IQCH: variants seen among roughly 807,000 people sequenced by gnomAD.
The protein encoded by IQCH is IQ motif containing H, also known as IQ domain-containing protein H.
A neutral mutation model predicts 117.0 loss-of-function variants in IQCH; 98 were observed. The ratio of observed to expected loss-of-function variants is 0.84; its 90% confidence interval spans 0.71 to 0.99. The LOEUF (loss-of-function observed/expected upper bound fraction) is 0.99, where lower values mean the gene tolerates loss of function less well. IQCH is among the 50% of genes least tolerant of loss of function. The pLI is 0.00. For synonymous variants in IQCH, 412 were observed against 448.2 expected (o/e 0.92, Z 1.02); for missense variants, 1,102 against 1,243.8 (o/e 0.89, Z 1.72).
Position 67,424,355 on chromosome 15 carries a change from A to G in IQCH, c.2505+2778A>G, listed in dbSNP as rs1016659180. Reference sequence around the variant, plus strand: ...CTTCCTGACCTTCCTGACAAAGTCAAATTCTCCTTTTTTAGGTTTTCATAT... The same window carrying G: ...CTTCCTGACCTTCCTGACAAAGTCAGATTCTCCTTTTTTAGGTTTTCATAT... On this transcript the variant is annotated intron_variant, in intron 16 of 20. Coordinates refer to ENST00000335894, the MANE Select transcript of IQCH (RefSeq NM_001031715.3). This position sits in a 1 kb window ranked among gnomAD's most constrained non-coding sequence, Gnocchi z 4.9. 6.6e-6 allele frequency among the ~76,000 whole-genome samples: 1 copy of G among 152,174 alleles called. No homozygotes were observed. Among genetic ancestry groups the G allele is most frequent in the Non-Finnish European group, 1.5e-5 (1 of 68,028 alleles).
intron 4 of IQCH, among the ~76,000 whole-genome samples, chr15:67,298,606 C>CCAA (rs1247456864): frequency 5.3e-5 from 8 of 152,112 alleles, no homozygotes; most frequent in Admixed American, 1.3e-4. Context: ...TGTCTTACTC[C>CCAA]TGTAATTCCA....
intron 16 of IQCH, among the ~76,000 whole-genome samples, chr15:67,435,876 A>G (rs1172663790): frequency 2.0e-5 from 3 of 152,140 alleles, no homozygotes; most frequent in Admixed American, 2.0e-4. Flanking sequence ...GTCTAAAAAA[A>G]AAAAAAAGTC....
chr15:67,441,833 A>G (rs1475881411), intron 16 of IQCH, among the ~76,000 whole-genome samples: 2 of 152,220 alleles, frequency 1.3e-5, no homozygotes, highest in Non-Finnish European at 2.9e-5. Flanking sequence ...TTAGGCAAGG[A>G]GTTCATGATC....
chr15:67,258,256 G>A (rs1163832094), intron 1 of IQCH, among the ~76,000 whole-genome samples: 5 of 150,754 alleles, frequency 3.3e-5, no homozygotes, highest in Non-Finnish European at 7.4e-5. Flanking sequence ...AAGGCCAAGC[G>A]CGGTGGCTCA....
intron 16 of IQCH, among the ~76,000 whole-genome samples, chr15:67,423,059 A>G (rs1481524424): frequency 6.6e-6 from 1 of 152,224 alleles, no homozygotes; most frequent in Non-Finnish European, 1.5e-5. Context: ...CTTGTTCAAT[A>G]ATCATTTTCC....
chr15:67,340,530 G>A (rs1969123486), intron 5 of IQCH, among the ~76,000 whole-genome samples: 1 of 148,286 alleles, frequency 6.7e-6, no homozygotes, highest in Admixed American at 6.9e-5. Context: ...GCAAGGCCTT[G>A]GTTGAATAGT....
Position 67,279,458 on chromosome 15 carries a change from T to C in IQCH, c.333T>C (p.Phe111=), listed in dbSNP as rs759550451. 13 of 1,611,944 alleles carry C rather than the reference T, an allele frequency of 8.1e-6. No individual in the cohort carries two copies. The highest frequency in any genetic ancestry group is 3.3e-5 in the Admixed American group (2 of 59,748). ...TCCCTCAGGAATCTGAGGGTACATTTTGGCAACCCCAAAGACAGCACAGTT... is the reference window on the plus strand; with the variant it reads ...TCCCTCAGGAATCTGAGGGTACATTCTGGCAACCCCAAAGACAGCACAGTT... The part of the protein sequence containing the change: ...FIFPQESEGT[F]WQPQRQHSSS... The change falls in exon 4 of 21, where the codon TTT becomes TTC. Residue 111 remains phenylalanine, a synonymous_variant. Transcript: ENST00000335894.
Position 67,475,813 on chromosome 15 carries a change from G to C in IQCH, c.2794G>C (p.Val932Leu), listed in dbSNP as rs3985641. The C allele has an allele frequency of 1, 1,613,394 of 1,614,050 alleles. 806,371 individuals are homozygous for C. Among genetic ancestry groups the C allele is most frequent in the Middle Eastern group, 1 (6,062 of 6,062 alleles). Residue 932 changes from valine to leucine, a missense_variant, in exon 18 of 21, where the codon GTT becomes CTT. By Grantham distance (32) the Val-to-Leu change is conservative. Around this residue, in one of 2 missense-constraint regions of IQCH, gnomAD observed 650 missense variants for 794.3 expected, o/e 0.82. Coordinates refer to ENST00000335894, the MANE Select transcript of IQCH (RefSeq NM_001031715.3). This position sits in a 1 kb window ranked among gnomAD's most constrained non-coding sequence, Gnocchi z 5.7. ...ICRAHGIGYD[V>L]EERQGTVFIL... is the part of the protein sequence containing the mutation. ...TAGGGCCCATGGCATTGGCTATGAT[G>C]TTGAGGTATGAAGGGTTACAGTTGG...
At position 67,418,831 on chromosome 15, in the gene IQCH, G is replaced by A. The variant is rs191267411; in HGVS notation, c.2218+1780G>A. 7.8e-3 allele frequency among the ~76,000 whole-genome samples: 1,183 copies of A among 151,686 alleles called. 6 individuals carry two copies. Among genetic ancestry groups the A allele is most frequent in the Non-Finnish European group, 0.01 (691 of 67,950 alleles). On this transcript the variant is annotated intron_variant, in intron 15 of 20. Transcript: ENST00000335894. Reference sequence around the variant, plus strand: ...GACCTAAGGTGATCCGCCCGCCTCGGCCTCCCGAAGTGCTGGGATTACAGG... The same window carrying A: ...GACCTAAGGTGATCCGCCCGCCTCGACCTCCCGAAGTGCTGGGATTACAGG...
intron 4 of IQCH, among the ~76,000 whole-genome samples, chr15:67,290,610 CA>C (rs1567069193): frequency 1.3e-5 from 2 of 152,092 alleles, no homozygotes; most frequent in African/African-American, 2.4e-5. Context: ...AACTTGAAAA[CA>C]TTTTTTTGAA....
chr15:67,409,778 C>T (rs928754261), intron 14 of IQCH, among the ~76,000 whole-genome samples: 1 of 152,132 alleles, frequency 6.6e-6, no homozygotes, highest in African/African-American at 2.4e-5. Context: ...ATTTTACATA[C>T]CAAAAACATT....
chr15:67,292,320 G>T (rs1207101057), intron 4 of IQCH, among the ~76,000 whole-genome samples: 1 of 152,096 alleles, frequency 6.6e-6, no homozygotes, highest in Admixed American at 6.6e-5. Context: ...TACAATCATG[G>T]CTCATCATGC....
chr15:67,457,915 C>T lies in IQCH; in HGVS notation c.2506-7212C>T, dbSNP rs1050362131. ...CTTCTCCACCTTACTGCATCTTAGC[C>T]TAAACGTGATGAGAAGTGGACTGAG... On this transcript the variant is annotated intron_variant, in intron 16 of 20. Coordinates refer to ENST00000335894, the MANE Select transcript of IQCH (RefSeq NM_001031715.3). This position sits in a 1 kb window ranked among gnomAD's most constrained non-coding sequence, Gnocchi z 5.7. Among the ~76,000 whole-genome samples, 2 of 152,156 alleles carry T rather than the reference C, an allele frequency of 1.3e-5. No individual in the cohort carries two copies. The highest frequency in any genetic ancestry group is 2.9e-5 in the Non-Finnish European group (2 of 68,034).
intron 4 of IQCH, chr15:67,281,981 G>C: frequency 2.9e-6 from 1 of 346,020 alleles, no homozygotes; most frequent in Non-Finnish European, 5.7e-6. Flanking sequence ...ACTCTCTGAG[G>C]AGTGCTTACT....
intron 16 of IQCH, among the ~76,000 whole-genome samples, chr15:67,451,112 CTCT>C (rs1596403312): frequency 6.6e-6 from 1 of 152,116 alleles, no homozygotes; most frequent in African/African-American, 2.4e-5. Context: ...ATTCTTCTCT[CTCT>C]TCTTCTTTAT....
At position 67,475,102 on chromosome 15, in the gene IQCH, T is replaced by G. The variant is rs983351579; in HGVS notation, c.2677-594T>G. Among the ~76,000 whole-genome samples, 2 of 152,162 alleles carry G rather than the reference T, an allele frequency of 1.3e-5. No homozygotes were observed. Among genetic ancestry groups the G allele is most frequent in the African/African-American group, 2.4e-5 (1 of 41,436 alleles). On this transcript the variant is annotated intron_variant, in intron 17 of 20. Transcript: ENST00000335894. This position sits in a 1 kb window ranked among gnomAD's most constrained non-coding sequence, Gnocchi z 5.7. ...GATATGACAGCTAGTTACGGTGCAG[T>G]GTCTCAGATGGGGTCCTGAAACAGA...
intron 10 of IQCH, among the ~76,000 whole-genome samples, chr15:67,382,860 A>G (rs1000097606): frequency 5.3e-5 from 8 of 152,220 alleles, no homozygotes; most frequent in African/African-American, 1.4e-4. Flanking sequence ...GGGCCTGTCT[A>G]CTGAACTCCC....
In IQCH at chr15:67,424,815, C is replaced by T. The variant is rs1305403555; in HGVS notation, c.2505+3238C>T. The stretch of plus-strand genomic sequence containing the variant: ...GAATATTGGAAGAAGTTCTCAGTGA[C>T]CACACCAAAGGGTGTTTCTGCATTA... On this transcript the variant is annotated intron_variant, in intron 16 of 20. Transcript: ENST00000335894. The surrounding 1 kb of genome is among the most constrained non-coding windows in gnomAD (Gnocchi z 4.9). Among the ~76,000 whole-genome samples, 2 of 152,216 alleles carry T rather than the reference C, an allele frequency of 1.3e-5. No homozygotes were observed.
chr15:67,266,213 GATAAA>G (rs1219827858), intron 3 of IQCH, among the ~76,000 whole-genome samples: 1 of 151,322 alleles, frequency 6.6e-6, no homozygotes. Context: ...GTAAGATAAA[GATAAA>G]ATAAGTATTT....
Sources: gnomAD v4.1 joint callset for allele counts (sites outside exome capture counted in the v4.1 genomes callset) on GRCh38, gnomAD v4.1.1 for gene constraint, gnomAD v4.1.1 regional missense constraint, Gnocchi (gnomAD v3.1) non-coding constraint, MANE v1.5 for transcripts, NCBI Gene and HGNC (gene_info 2026-07-23, HGNC 2026-07-21) for gene names.